The following NAA35 variants were observed in gnomAD, a reference collection of about 807,000 sequenced individuals.
NAA35 encodes MAK10 homolog, amino-acid N-acetyltransferase subunit.
Under a neutral mutation model 101.7 loss-of-function variants are expected in NAA35, and 18 were observed. The observed-to-expected ratio is 0.18, with a 90% CI of 0.12 to 0.26. NAA35 has a LOEUF of 0.26. Ranked by LOEUF, NAA35 falls within the 10% of genes least tolerant of loss-of-function variation. NAA35 has a pLI of 1.00. For missense variants in NAA35, 601 were observed against 886.8 expected (o/e 0.68, Z 4.09); for synonymous variants, 267 against 273.1 (o/e 0.98, Z 0.22).
chr9:85,987,725 A>G (rs113064606), intron 11 of NAA35, among the ~76,000 whole-genome samples: 8 of 152,236 alleles, frequency 5.3e-5, no homozygotes, highest in African/African-American at 1.9e-4. Context: ...AGTGTCTTAA[A>G]AAATAGGGAA....
intron 2 of NAA35, among the ~76,000 whole-genome samples, chr9:85,954,661 G>C (rs1156591391): frequency 6.6e-6 from 1 of 152,154 alleles, no homozygotes; most frequent in African/African-American, 2.4e-5. Flanking sequence ...GAAGTGAAGA[G>C]TACATGATTA....
intron 12 of NAA35, among the ~76,000 whole-genome samples, chr9:86,002,304 C>T (rs1364084747): frequency 2.0e-5 from 3 of 152,052 alleles, no homozygotes; most frequent in East Asian, 3.8e-4. Context: ...TGTTTCATTT[C>T]GGCTTTGGAA....
chr9:85,957,639 G>A (rs1185936232), intron 3 of NAA35, among the ~76,000 whole-genome samples: 1 of 152,110 alleles, frequency 6.6e-6, no homozygotes, highest in African/African-American at 2.4e-5. Flanking sequence ...ATAGCACCTT[G>A]GAAAAACAAA....
At chr9:85,956,500 A>G (rs548688543) in intron 3 of NAA35, 107 bp downstream of exon 3, 31 of 574,730 alleles carry the variant, frequency 5.4e-5, no homozygotes, top group South Asian at 2.5e-4. Context: ...ACGTTTCAAA[A>G]TTGTGAAAAT....
chr9:85,959,552 A>G (rs1476339217), intron 4 of NAA35, among the ~76,000 whole-genome samples: 1 of 152,042 alleles, frequency 6.6e-6, no homozygotes, highest in Non-Finnish European at 1.5e-5. Flanking sequence ...TTGAAGACCT[A>G]AGATATATTG....
intron 2 of NAA35, among the ~76,000 whole-genome samples, chr9:85,954,473 T>C (rs1377650920): frequency 6.6e-6 from 1 of 152,236 alleles, no homozygotes; most frequent in Non-Finnish European, 1.5e-5. Flanking sequence ...GGGTTTCAGT[T>C]TCTCCACATC....
chr9:85,998,105 G>A (rs935172696), intron 12 of NAA35, among the ~76,000 whole-genome samples: 1 of 152,052 alleles, frequency 6.6e-6, no homozygotes, highest in South Asian at 2.1e-4. Context: ...TAGTAGAAAC[G>A]GGGTTTCATC....
At chr9:85,991,363 T>C (rs1830905244) in intron 11 of NAA35, among the ~76,000 whole-genome samples, 1 of 152,044 alleles carries the variant, frequency 6.6e-6, no homozygotes, top group South Asian at 2.1e-4. Flanking sequence ...CATCTGTGCA[T>C]GTGGGTGACC....
rs556112965 is a variant in NAA35, at chr9:85,990,934, A to T, written c.878-5465A>T. ...GAATGGGGAGGGCATCTGCAAAGAG[A>T]TAAACCTAGAGCAGGAGTTTGGAAT... On this transcript the variant is annotated intron_variant, in intron 11 of 22. Coordinates refer to ENST00000361671, the MANE Select transcript of NAA35 (RefSeq NM_024635.4). 9.5e-4 allele frequency among the ~76,000 whole-genome samples: 145 copies of T among 152,306 alleles called. 1 individual carries two copies. The highest frequency in any genetic ancestry group is 3.4e-3 in the African/African-American group (142 of 41,570).
At chr9:85,943,502 G>A (rs539683725) in intron 2 of NAA35, among the ~76,000 whole-genome samples, 1 of 152,244 alleles carries the variant, frequency 6.6e-6, no homozygotes, top group African/African-American at 2.4e-5. Flanking sequence ...TGGAAAGGGA[G>A]CCAGCTGTGT....
chr9:85,955,562 A>G (rs957700018), intron 2 of NAA35, among the ~76,000 whole-genome samples: 3 of 151,502 alleles, frequency 2.0e-5, no homozygotes, highest in South Asian at 2.1e-4. Flanking sequence ...ATGGGGTTTC[A>G]CTGTGTTAGC....
chr9:85,992,403 T>C (rs1830957620), intron 11 of NAA35, among the ~76,000 whole-genome samples: 1 of 151,806 alleles, frequency 6.6e-6, no homozygotes, highest in Non-Finnish European at 1.5e-5. Flanking sequence ...TATATGAGTG[T>C]CCCCCCAACC....
Position 86,025,268 on chromosome 9 carries a change from C to T in NAA35, c.*3308C>T, listed in dbSNP as rs1832736564. On this transcript the variant is annotated 3_prime_UTR_variant, in exon 23 of 23. Transcript: ENST00000361671. ...CCATTAAGAGAAGGACTGAAAAGAG[C>T]CCATTGAACTTGGCAAGTAAAGATT... Among the ~76,000 whole-genome samples, 1 of 152,056 alleles carries T rather than the reference C, an allele frequency of 6.6e-6. No individual in the cohort carries two copies. The highest frequency in any genetic ancestry group is 2.4e-5 in the African/African-American group (1 of 41,394).
At position 85,996,450 on chromosome 9, in the gene NAA35, C is replaced by G; in HGVS notation, c.929C>G (p.Pro310Arg). The G allele has an allele frequency of 6.2e-7, 1 of 1,609,754 alleles. No individual in the cohort carries two copies. The highest frequency in any genetic ancestry group is 8.5e-7 in the Non-Finnish European group (1 of 1,178,470). ...FEPLVNQRLL[P>R]PTFPRYAKII... ...CCCCTTGTGAACCAGAGGCTACTTC[C>G]ACCTACCTTCCCTCGATATGCAAAA... is the stretch of plus-strand genomic sequence containing the variant. The change falls in exon 12 of 23, where the codon CCA (proline) becomes CGA (arginine). Residue 310 changes from proline to arginine, a missense_variant. By Grantham distance (103) the Pro-to-Arg change is moderately radical (BLOSUM62 -2). Coordinates refer to ENST00000361671, the MANE Select transcript of NAA35 (RefSeq NM_024635.4).
At chr9:86,010,106 C>T (rs555946149) in intron 15 of NAA35, among the ~76,000 whole-genome samples, 175 bp downstream of exon 15, 4 of 152,090 alleles carry the variant, frequency 2.6e-5, no homozygotes, top group Admixed American at 1.3e-4. Context: ...CAAAAATCAG[C>T]GTATGGTGGC....
At chr9:85,969,185 A>G (rs1291731697) in intron 6 of NAA35, among the ~76,000 whole-genome samples, 3 of 145,570 alleles carry the variant, frequency 2.1e-5, no homozygotes, top group Non-Finnish European at 3.0e-5. Context: ...ACATGCCTTT[A>G]TTATTCTTAG....
In NAA35 at chr9:86,015,925, A is replaced by G. The variant is rs181283795; in HGVS notation, c.1569-614A>G. On this transcript the variant is annotated intron_variant, in intron 17 of 22. Transcript: ENST00000361671. Reference sequence around the variant, plus strand: ...CAGTTATATGGTATAAAAGGGTACTATAGTAAATGTTTTTCTTAAATTCAG... The same window carrying G: ...CAGTTATATGGTATAAAAGGGTACTGTAGTAAATGTTTTTCTTAAATTCAG... 127 of 218,616 alleles carry G rather than the reference A, an allele frequency of 5.8e-4. 1 individual carries two copies. Among genetic ancestry groups the G allele is most frequent in the Admixed American group, 6.5e-4 (10 of 15,358 alleles). The allele number at this position is 218,616 out of a possible 1,614,324, so 13.5% of individuals were successfully genotyped here.
chr9:85,986,650 T>G, intron 11 of NAA35: 2 of 331,308 alleles, frequency 6.0e-6, no homozygotes, highest in South Asian at 4.5e-5. Flanking sequence ...AATGGCGTGA[T>G]CTCGGCTCAA....
chr9:85,951,284 C>T (rs1046816448), intron 2 of NAA35, among the ~76,000 whole-genome samples: 7 of 152,230 alleles, frequency 4.6e-5, no homozygotes, highest in Non-Finnish European at 8.8e-5. Context: ...TCTGGCATAA[C>T]AGAGGGCAAT....
Sources: allele counts gnomAD v4.1 joint callset (sites outside exome capture counted in the v4.1 genomes callset), GRCh38; gene constraint gnomAD v4.1.1; transcripts MANE v1.5; gene names NCBI Gene and HGNC (gene_info 2026-07-23, HGNC 2026-07-21).